HDX: variants seen among roughly 807,000 people sequenced by gnomAD.
HDX encodes chromosome X open reading frame 43.
HDX carries 19 observed loss-of-function variants against 45.2 expected under a neutral mutation model. The observed-to-expected ratio is 0.42, with a 90% CI of 0.29 to 0.62. The LOEUF (loss-of-function observed/expected upper bound fraction) is 0.62. Ranked by LOEUF, HDX falls within the 20% of genes least tolerant of loss-of-function variation. The probability of loss-of-function intolerance (pLI) is 0.20; values close to 1 mark genes in which losing one functional copy is unlikely to be tolerated. For missense variants in HDX, 532 were observed against 493.9 expected (o/e 1.08, Z -0.73); for synonymous variants, 188 against 172.8 (o/e 1.09, Z -0.69).
At chrX:84,391,199 GA>G (rs56075248) in intron 5 of HDX, among the ~76,000 whole-genome samples, 27,937 of 111,076 alleles carry the variant, frequency 0.25, 2,634 homozygotes, top group Non-Finnish European at 0.3. Flanking sequence ...ATGAGAATGT[GA>G]TTTTGTATTT....
At chrX:84,422,125 C>T (rs1286445749) in intron 5 of HDX, among the ~76,000 whole-genome samples, 1 of 111,186 alleles carries the variant, frequency 9.0e-6, no homozygotes, top group Non-Finnish European at 1.9e-5. Context: ...TTCTCAAGAA[C>T]AGCCATATGA....
chrX:84,455,054 G>A (rs1279281897), intron 4 of HDX, among the ~76,000 whole-genome samples: 1 of 111,176 alleles, frequency 9.0e-6, no homozygotes, highest in Non-Finnish European at 1.9e-5. Flanking sequence ...CAGTGACCAA[G>A]AACAACACCC....
chrX:84,414,028 T>A (rs56804468), intron 5 of HDX, among the ~76,000 whole-genome samples: 12,663 of 111,164 alleles, frequency 0.11, 629 homozygotes, highest in South Asian at 0.28. Context: ...TGTAAAGAAA[T>A]TAAGTTTCAT....
At chrX:84,397,403 T>G (rs1334797058) in intron 5 of HDX, among the ~76,000 whole-genome samples, 1 of 111,813 alleles carries the variant, frequency 8.9e-6, no homozygotes, top group African/African-American at 3.3e-5. Context: ...ACAAGTTCCC[T>G]CTTTGGGCAG....
At chrX:84,358,288 G>C (rs1281548137) in intron 6 of HDX, among the ~76,000 whole-genome samples, 1 of 111,701 alleles carries the variant, frequency 9.0e-6, no homozygotes, top group Non-Finnish European at 1.9e-5. Context: ...GAAGGAGTGA[G>C]GAATGTTGGT....
chrX:84,490,066 T>C (rs2040863965), intron 1 of HDX, among the ~76,000 whole-genome samples: 1 of 112,129 alleles, frequency 8.9e-6, no homozygotes, highest in Non-Finnish European at 1.9e-5. Context: ...AGTTATGGAA[T>C]GTATAGTCAT....
chrX:84,367,834 C>T (rs968239817), intron 5 of HDX, among the ~76,000 whole-genome samples: 3 of 111,341 alleles, frequency 2.7e-5, no homozygotes, highest in African/African-American at 9.8e-5. Flanking sequence ...GGGAACATCA[C>T]ACCACTGAGG....
At chrX:84,467,013 AG>A (rs2040363352) in intron 4 of HDX, among the ~76,000 whole-genome samples, 1 of 111,423 alleles carries the variant, frequency 9.0e-6, no homozygotes, top group Non-Finnish European at 1.9e-5. Context: ...GAAGTACAAA[AG>A]AGTAGGTGAA....
intron 5 of HDX, among the ~76,000 whole-genome samples, chrX:84,398,802 A>G (rs1052014252): frequency 8.9e-6 from 1 of 112,074 alleles, no homozygotes; most frequent in Non-Finnish European, 1.9e-5. Context: ...TCTAAAATCG[A>G]TCACGTAATT....
chrX:84,456,457 G>A (rs2148107150), intron 4 of HDX, among the ~76,000 whole-genome samples: 1 of 110,997 alleles, frequency 9.0e-6, no homozygotes, highest in African/African-American at 3.3e-5. Flanking sequence ...AAGAAAAGGA[G>A]AAAGGAGAAA....
chrX:84,402,666 A>T (rs750540233), intron 5 of HDX, among the ~76,000 whole-genome samples: 2 of 111,445 alleles, frequency 1.8e-5, no homozygotes, highest in East Asian at 5.6e-4. Flanking sequence ...GATTTGTGAG[A>T]ATGTAAATTT....
chrX:84,422,662 G>GT lies in HDX; in HGVS notation c.1305+17869_1305+17870insA, dbSNP rs2039283297. Among the ~76,000 whole-genome samples, 3 of 88,529 alleles carry GT rather than the reference G, an allele frequency of 3.4e-5. No homozygotes were observed. In the Admixed American group the frequency reaches 3.8e-4, roughly 11 times the overall value. The allele number at this position is 88,529 out of a possible 115,157, so 76.9% of individuals were successfully genotyped here. A position where few individuals can be genotyped will look rare whatever the true frequency, so the allele number is the denominator to read the frequency against. On this transcript the variant is annotated intron_variant, in intron 5 of 10. Coordinates refer to ENST00000373177, the MANE Select transcript of HDX (RefSeq NM_001177479.2). The stretch of plus-strand genomic sequence containing the variant: ...AATACCAAAGACCAATGAAATAAAA[G>GT]GTTTTTTTTTTTTTTTTTTTTTTTG...
chrX:84,393,820 T>G, intron 5 of HDX, among the ~76,000 whole-genome samples: 1 of 111,087 alleles, frequency 9.0e-6, no homozygotes, highest in Non-Finnish European at 1.9e-5. Context: ...TTACTCCTGA[T>G]AGTCTCTGAT....
At chrX:84,387,648 A>AT (rs1175485647) in intron 5 of HDX, among the ~76,000 whole-genome samples, 6 of 110,899 alleles carry the variant, frequency 5.4e-5, no homozygotes, top group East Asian at 2.8e-4. Context: ...TCTCCTGCTC[A>AT]TTTTTTTTCT....
rs1212163887 is a variant in HDX at position 84,319,947 on chromosome X, T to C, written c.*1942A>G. 3 of 110,974 alleles carry C rather than the reference T, an allele frequency of 2.7e-5. No homozygotes were observed. The highest frequency in any genetic ancestry group is 9.3e-3 in the Middle Eastern group (2 of 216). 9.1% of individuals were successfully genotyped at this position (110,974 alleles called of 1,213,427 possible). A position where few individuals can be genotyped will look rare whatever the true frequency, so the allele number is the denominator to read the frequency against. On this transcript the variant is annotated 3_prime_UTR_variant, in exon 11 of 11. Transcript: ENST00000373177. The stretch of plus-strand genomic sequence containing the variant: ...GTGTTAAAAGCTGTAGGAGAGAATA[T>C]ACCTATAGTTAATTTGCAATGAGAA...
chrX:84,480,736 C>T (rs2040660767), intron 2 of HDX, among the ~76,000 whole-genome samples: 2 of 109,841 alleles, frequency 1.8e-5, no homozygotes, highest in South Asian at 7.5e-4. Context: ...ATGTATTATT[C>T]TTTTTATATA....
intron 5 of HDX, among the ~76,000 whole-genome samples, chrX:84,438,976 G>A (rs1029215166): frequency 8.9e-6 from 1 of 112,026 alleles, no homozygotes; most frequent in Non-Finnish European, 1.9e-5. Flanking sequence ...TTTCCACAGT[G>A]GCTGAACTAG....
chrX:84,428,026 G>A (rs2039422152), intron 5 of HDX, among the ~76,000 whole-genome samples: 2 of 110,286 alleles, frequency 1.8e-5, no homozygotes, highest in Admixed American at 1.9e-4. Context: ...TTTACATTTC[G>A]CTTATGATTA....
chrX:84,370,244 T>A (rs138070130), intron 5 of HDX, among the ~76,000 whole-genome samples: 3,392 of 111,682 alleles, frequency 0.03, 53 homozygotes, highest in Non-Finnish European at 0.049. Context: ...GGGACTGGAA[T>A]TTACTGGACT....
Sources: allele counts gnomAD v4.1 joint callset (sites outside exome capture counted in the v4.1 genomes callset), GRCh38; gene constraint gnomAD v4.1.1; transcripts MANE v1.5; gene names NCBI Gene and HGNC (gene_info 2026-07-23, HGNC 2026-07-21).